The following DISC1 variants were observed in gnomAD, a reference collection of about 807,000 sequenced individuals.
The protein encoded by DISC1 is disrupted in schizophrenia 1 protein.
Under a neutral mutation model 84.5 loss-of-function variants are expected in DISC1, and 57 were observed. The observed-to-expected ratio is 0.67, with a 90% confidence interval of 0.55 to 0.84. The LOEUF is 0.84. DISC1 is among the 40% of genes least tolerant of loss of function. The probability of loss-of-function intolerance (pLI) is 0.00; values close to 1 mark genes in which losing one functional copy is unlikely to be tolerated. For missense variants in DISC1, 1,000 were observed against 1,057.8 expected, an observed-to-expected ratio of 0.95 and a Z score of 0.76; for synonymous variants, 411 against 415.2, an observed-to-expected ratio of 0.99 and a Z score of 0.12.
At chr1:231,880,027 G>A (rs1574382775) in intron 9 of DISC1, among the ~76,000 whole-genome samples, 1 of 152,200 alleles carries the variant, frequency 6.6e-6, no homozygotes, top group African/African-American at 2.4e-5. Flanking sequence ...AATCCCCAAT[G>A]TGGCAGTATT....
chr1:231,840,976 T>G (rs986679354), intron 9 of DISC1, among the ~76,000 whole-genome samples: 8 of 152,220 alleles, frequency 5.3e-5, no homozygotes. Flanking sequence ...ACCTGTCTTA[T>G]CTCATTAATC....
chr1:231,697,723 A>G (rs930892769), intron 2 of DISC1, among the ~76,000 whole-genome samples: 1 of 150,158 alleles, frequency 6.7e-6, no homozygotes, highest in Non-Finnish European at 1.5e-5. Flanking sequence ...TACTGGGATT[A>G]CAGGCATGAG....
intron 1 of DISC1, among the ~76,000 whole-genome samples, chr1:231,654,298 A>T (rs1294327412): frequency 6.6e-6 from 1 of 150,546 alleles, no homozygotes; most frequent in African/African-American, 2.4e-5. Flanking sequence ...TATGTCAAAA[A>T]TTTGATAGGA....
intron 9 of DISC1, among the ~76,000 whole-genome samples, chr1:231,853,147 T>G (rs977752719): frequency 1.9e-4 from 29 of 152,228 alleles, no homozygotes; most frequent in African/African-American, 6.5e-4. Context: ...ATATTTGCCT[T>G]TAGCATTCTT....
intron 3 of DISC1, among the ~76,000 whole-genome samples, chr1:231,706,084 C>T (rs1313703436): frequency 6.6e-6 from 1 of 152,168 alleles, no homozygotes; most frequent in African/African-American, 2.4e-5. Flanking sequence ...GGAAAACCTT[C>T]TCAGGCTCTA....
At chr1:231,688,112 T>A (rs574104988) in intron 1 of DISC1, among the ~76,000 whole-genome samples, 4 of 152,224 alleles carry the variant, frequency 2.6e-5, no homozygotes, top group African/African-American at 9.6e-5. Context: ...CTTGTATGTC[T>A]TTGTTGACAT....
At chr1:231,684,984 C>T (rs2064086790) in intron 1 of DISC1, 3 of 152,190 alleles carry the variant, frequency 2.0e-5, no homozygotes, top group African/African-American at 4.8e-5. Context: ...TAGAGTGGCT[C>T]GCCTCTCCAA....
intron 1 of DISC1, among the ~76,000 whole-genome samples, chr1:231,631,062 T>C (rs2058668112): frequency 6.6e-6 from 1 of 152,130 alleles, no homozygotes; most frequent in Admixed American, 6.6e-5. Context: ...ATTATGGGGC[T>C]CCCTCCAGTC....
intron 2 of DISC1, among the ~76,000 whole-genome samples, chr1:231,699,141 G>A (rs2066080970): frequency 6.6e-6 from 1 of 152,248 alleles, no homozygotes; most frequent in African/African-American, 2.4e-5. Flanking sequence ...GAATGTTAGG[G>A]AGTCCTACAA....
At chr1:231,955,390 C>A (rs1659263518) in intron 9 of DISC1, among the ~76,000 whole-genome samples, 1 of 152,144 alleles carries the variant, frequency 6.6e-6, no homozygotes, top group African/African-American at 2.4e-5. Context: ...CTTGTCTCCC[C>A]AAACCCATTT....
In DISC1 at chr1:231,698,596, G is replaced by A. The variant is rs1425329177; in HGVS notation, c.1048-3359G>A. ...GACGGGTATTCAGACATATCTCAGG[G>A]CAGTCCATTCAGGGCCTTATAGAGA... On this transcript the variant is annotated intron_variant, in intron 2 of 12. Coordinates refer to ENST00000439617, the MANE Select transcript of DISC1 (RefSeq NM_018662.3). This position sits in a 1 kb window ranked among gnomAD's most constrained non-coding sequence, Gnocchi z 4.9. Among the ~76,000 whole-genome samples the A allele has an allele frequency of 1.3e-5, 2 of 151,550 alleles. No individual in the cohort carries two copies. The highest frequency in any genetic ancestry group is 3.0e-5 in the Non-Finnish European group (2 of 67,668).
In DISC1 at chr1:232,008,827, G is replaced by A. The variant is rs1437523560; in HGVS notation, c.2085G>A (p.Leu695=). 2 of 1,600,910 alleles carry A rather than the reference G, an allele frequency of 1.2e-6. No individual in the cohort carries two copies. Among genetic ancestry groups the A allele is most frequent in the East Asian group, 2.2e-5 (1 of 44,704 alleles). Residue 695 remains leucine (L), a synonymous_variant, in exon 11 of 13, where the codon TTG becomes TTA. Coordinates refer to ENST00000439617, the MANE Select transcript of DISC1 (RefSeq NM_018662.3). ...PLLGKVWEAD[L]EACRLLIQSL... ...TTGGGAAAGTGTGGGAAGCTGACTT[G>A]GAAGCTTGTCGATTGCTTATCCAGA...
intron 10 of DISC1, among the ~76,000 whole-genome samples, chr1:232,006,853 C>T (rs141187756): frequency 6.6e-6 from 1 of 152,228 alleles, no homozygotes; most frequent in Non-Finnish European, 1.5e-5. Flanking sequence ...GGCCTGGAGA[C>T]CTAGGAGGAA....
intron 8 of DISC1, among the ~76,000 whole-genome samples, chr1:231,813,969 T>A (rs1168891009): frequency 6.6e-6 from 1 of 152,122 alleles, no homozygotes; most frequent in Admixed American, 6.6e-5. Flanking sequence ...AACACATGAG[T>A]GTTTTAAGCA....
intron 9 of DISC1, among the ~76,000 whole-genome samples, chr1:231,907,745 G>A (rs567972891): frequency 6.6e-6 from 1 of 152,268 alleles, no homozygotes; most frequent in Non-Finnish European, 1.5e-5. Context: ...TTGAGGAATC[G>A]CTACACTGTC....
intron 9 of DISC1, among the ~76,000 whole-genome samples, chr1:231,841,203 A>T (rs1008336987): frequency 7.2e-5 from 11 of 152,240 alleles, no homozygotes; most frequent in African/African-American, 2.7e-4. Flanking sequence ...TCTGAAATCC[A>T]CAACACTTTT....
chr1:231,935,782 G>C (rs2090947580), intron 9 of DISC1, among the ~76,000 whole-genome samples: 1 of 152,170 alleles, frequency 6.6e-6, no homozygotes, highest in African/African-American at 2.4e-5. Context: ...ATGTGGACGT[G>C]CACAATGGAC....
intron 9 of DISC1, among the ~76,000 whole-genome samples, chr1:231,831,585 G>T (rs966167229): frequency 1.3e-5 from 2 of 152,200 alleles, no homozygotes; most frequent in African/African-American, 4.8e-5. Context: ...CTAGAGCAAT[G>T]GGATCTGACG....
At chr1:231,910,509 C>T (rs377021374) in intron 9 of DISC1, among the ~76,000 whole-genome samples, 5 of 152,084 alleles carry the variant, frequency 3.3e-5, no homozygotes, top group South Asian at 2.1e-4. Flanking sequence ...TAATCCTGAG[C>T]TCTAGTTTGA....
Sources: allele counts gnomAD v4.1 joint callset (sites outside exome capture counted in the v4.1 genomes callset), GRCh38; gene constraint gnomAD v4.1.1; non-coding constraint Gnocchi (gnomAD v3.1); transcripts MANE v1.5; gene names NCBI Gene and HGNC (gene_info 2026-07-23, HGNC 2026-07-21).